PRKAR1B: variants seen among roughly 807,000 people sequenced by gnomAD.
PRKAR1B encodes protein kinase cAMP-dependent type I regulatory subunit beta.
Under a neutral mutation model 46.5 loss-of-function variants are expected in PRKAR1B, and 22 were observed. The ratio of observed to expected loss-of-function variants is 0.47; its 90% CI spans 0.34 to 0.68. The LOEUF is 0.68. PRKAR1B is among the 30% of genes least tolerant of loss of function. The probability of loss-of-function intolerance (pLI) is 0.01; values close to 1 mark genes in which losing one functional copy is unlikely to be tolerated. For synonymous variants in PRKAR1B, 259 were observed against 217.7 expected (o/e 1.19, Z -1.67); for missense variants, 445 against 535.6 (o/e 0.83, Z 1.67).
At chr7:601,653 C>A (rs886379750) in intron 6 of PRKAR1B, among the ~76,000 whole-genome samples, 3 of 152,238 alleles carry the variant, frequency 2.0e-5, no homozygotes, top group African/African-American at 7.2e-5. Flanking sequence ...TGACGCCCAC[C>A]CCTGCCCTGG....
intron 9 of PRKAR1B, among the ~76,000 whole-genome samples, chr7:577,464 C>T (rs1024516097): frequency 4.0e-5 from 6 of 149,456 alleles, no homozygotes; most frequent in African/African-American, 1.5e-4. Flanking sequence ...CCCTTGAGGG[C>T]CGGAGACATG....
chr7:725,367 T>G (rs1252919648), intron 1 of PRKAR1B, among the ~76,000 whole-genome samples: 1 of 152,198 alleles, frequency 6.6e-6, no homozygotes, highest in African/African-American at 2.4e-5. Context: ...GAGAAGTGCC[T>G]GGCTAACCAG....
chr7:616,007 A>AG lies in PRKAR1B; in HGVS notation c.441-8556_441-8555insC, dbSNP rs1491524452. ...GAGGGAGAGAGAAAGAAAAAGGAAGAAAGAGAGAGAGAGAGAGAGAAAGCA... is the reference window on the plus strand; with the variant it reads ...GAGGGAGAGAGAAAGAAAAAGGAAGAGAAGAGAGAGAGAGAGAGAGAAAGCA... On this transcript the variant is annotated intron_variant, in intron 4 of 10. Coordinates refer to ENST00000537384, the MANE Select transcript of PRKAR1B (RefSeq NM_001164760.2). Among the ~76,000 whole-genome samples, 83 of 98,734 alleles carry AG rather than the reference A, an allele frequency of 8.4e-4. 1 individual carries two copies. Among genetic ancestry groups the AG allele is most frequent in the African/African-American group, 3.0e-3 (68 of 22,338 alleles). The allele number at this position is 98,734 out of a possible 152,430, so 64.8% of individuals were successfully genotyped here. A position where few individuals can be genotyped will look rare whatever the true frequency, so the allele number is the denominator to read the frequency against.
chr7:581,384 C>T (rs1780178376), intron 8 of PRKAR1B, among the ~76,000 whole-genome samples: 1 of 151,744 alleles, frequency 6.6e-6, no homozygotes, highest in Non-Finnish European at 1.5e-5. Flanking sequence ...CCCAAGCAGG[C>T]CAACACATCA....
chr7:559,416 A>T (rs1266572951), intron 9 of PRKAR1B, among the ~76,000 whole-genome samples: 2 of 152,168 alleles, frequency 1.3e-5, no homozygotes, highest in African/African-American at 4.8e-5. Context: ...GGCTCAGGGC[A>T]GTCAGAAGGG....
chr7:657,630 C>T (rs1785285475), intron 4 of PRKAR1B, among the ~76,000 whole-genome samples: 3 of 152,282 alleles, frequency 2.0e-5, no homozygotes, highest in Non-Finnish European at 4.4e-5. Context: ...TTTGGGCAGT[C>T]TGAATATTTG....
At chr7:686,225 T>C (rs1022646386) in intron 2 of PRKAR1B, among the ~76,000 whole-genome samples, 2 of 151,272 alleles carry the variant, frequency 1.3e-5, no homozygotes, top group African/African-American at 2.4e-5. Context: ...GGTGTGAACA[T>C]GGGAGGTGGA....
intron 2 of PRKAR1B, among the ~76,000 whole-genome samples, chr7:682,245 G>A (rs1330972408): frequency 6.6e-6 from 1 of 152,156 alleles, no homozygotes; most frequent in African/African-American, 2.4e-5. Flanking sequence ...ACCTCACCGG[G>A]ACTCATCTGT....
rs968501956 is a variant in PRKAR1B, at chr7:628,941, G to A, written c.441-21489C>T. ...AGGTGCCTGCTCTGCAGCCCACGGCGGGCACTCGTGTTCTGACGCCAAGGT... is the reference window on the plus strand; with the variant it reads ...AGGTGCCTGCTCTGCAGCCCACGGCAGGCACTCGTGTTCTGACGCCAAGGT... On this transcript the variant is annotated intron_variant, in intron 4 of 10. Transcript: ENST00000537384. Among the ~76,000 whole-genome samples the A allele has an allele frequency of 2.6e-5, 4 of 152,144 alleles. No individual in the cohort carries two copies. In the East Asian group the frequency reaches 5.8e-4, roughly 22 times the overall value.
chr7:660,622 C>T lies in PRKAR1B; in HGVS notation c.440+16607G>A, dbSNP rs183994718. Among the ~76,000 whole-genome samples, 5 of 115,468 alleles carry T rather than the reference C, an allele frequency of 4.3e-5. No homozygotes were observed. In the East Asian group the frequency reaches 1.4e-3, roughly 33 times the overall value. The allele number at this position is 115,468 out of a possible 152,430, so 75.8% of individuals were successfully genotyped here. A position where few individuals can be genotyped will look rare whatever the true frequency, so the allele number is the denominator to read the frequency against. ...AGATGCAATTACCTACTCTCCCCCC[C>T]ATAGCACAAGTCCCCACCCCAACAG... On this transcript the variant is annotated intron_variant, in intron 4 of 10. Coordinates refer to ENST00000537384, the MANE Select transcript of PRKAR1B (RefSeq NM_001164760.2).
At chr7:572,000 T>C (rs1779546240) in intron 9 of PRKAR1B, among the ~76,000 whole-genome samples, 2 of 152,192 alleles carry the variant, frequency 1.3e-5, no homozygotes, top group Admixed American at 6.5e-5. Flanking sequence ...TCTGCTCCCA[T>C]TGCCACAGGA....
At chr7:727,589 C>G, upstream of PRKAR1B, 1 of 214,988 alleles carries the variant, frequency 4.7e-6, no homozygotes, top group Non-Finnish European at 9.0e-6. Flanking sequence ...CCCCCATGTA[C>G]CTGTTTCCTG....
intron 4 of PRKAR1B, among the ~76,000 whole-genome samples, chr7:672,245 G>A (rs139364362): frequency 0.021 from 3,172 of 152,122 alleles, 107 homozygotes; most frequent in African/African-American, 0.072. Flanking sequence ...CCGCCACCCG[G>A]GTTCAAGCAA....
intron 4 of PRKAR1B, among the ~76,000 whole-genome samples, chr7:628,008 C>T (rs534745829): frequency 2.0e-5 from 3 of 151,716 alleles, no homozygotes; most frequent in South Asian, 2.1e-4. Context: ...AAACACAGGC[C>T]GAGGCCTCAT....
intron 6 of PRKAR1B, among the ~76,000 whole-genome samples, chr7:605,031 T>C (rs566332465): frequency 6.6e-6 from 1 of 152,280 alleles, no homozygotes; most frequent in South Asian, 2.1e-4. Flanking sequence ...TGAGATGTCA[T>C]CACCACGAGC....
At chr7:581,228 G>A (rs9691973) in intron 8 of PRKAR1B, among the ~76,000 whole-genome samples, 62,901 of 150,454 alleles carry the variant, frequency 0.42, 13,788 homozygotes, top group African/African-American at 0.48. Flanking sequence ...GCGTGAACCC[G>A]GGAGGCGGAG....
At chr7:715,224 C>T (rs752023138) in intron 1 of PRKAR1B, among the ~76,000 whole-genome samples, 1 of 152,062 alleles carries the variant, frequency 6.6e-6, no homozygotes, top group Non-Finnish European at 1.5e-5. Context: ...TGCCTGAGCC[C>T]GTTGGCTTTT....
chr7:728,052 C>G (rs956721476), upstream of PRKAR1B, among the ~76,000 whole-genome samples: 14 of 152,282 alleles, frequency 9.2e-5, no homozygotes, highest in African/African-American at 3.4e-4. Flanking sequence ...CCTTTCCGCT[C>G]TGGCTTGGAC....
intron 4 of PRKAR1B, among the ~76,000 whole-genome samples, chr7:656,886 T>C (rs146252728): frequency 6.6e-6 from 1 of 151,724 alleles, no homozygotes; most frequent in South Asian, 2.1e-4. Context: ...GATGAATGGA[T>C]GCATGAGTGA....
Sources: allele counts gnomAD v4.1 joint callset (sites outside exome capture counted in the v4.1 genomes callset), GRCh38; gene constraint gnomAD v4.1.1; transcripts MANE v1.5; gene names NCBI Gene and HGNC (gene_info 2026-07-23, HGNC 2026-07-21).